The following UGGT2 variants were observed in gnomAD, a reference collection of about 807,000 sequenced individuals.
The protein encoded by UGGT2 is UDP-glucose:glycoprotein glucosyltransferase 2.
In UGGT2, 180 loss-of-function variants were observed where a neutral mutation model predicts 192.1. The observed-to-expected ratio is 0.94, with a 90% CI of 0.83 to 1.06. UGGT2 has a LOEUF of 1.06. Ranked by LOEUF, UGGT2 falls within the 50% of genes least tolerant of loss-of-function variation. The pLI, the probability that UGGT2 is intolerant of heterozygous loss-of-function variation, is 0.00. For synonymous variants in UGGT2, 580 were observed against 591.0 expected (o/e 0.98, Z 0.27); for missense variants, 1,849 against 1,795.7 (o/e 1.03, Z -0.54).
intron 20 of UGGT2, among the ~76,000 whole-genome samples, chr13:95,909,747 T>TATTATA (rs755079988): frequency 1.3e-4 from 14 of 109,392 alleles, no homozygotes; most frequent in Non-Finnish European, 1.9e-4. Context: ...AAACTTGAAG[T>TATTATA]ATAATAATAA....
At chr13:95,957,128 T>C (rs546857187) in intron 12 of UGGT2, among the ~76,000 whole-genome samples, 1 of 152,278 alleles carries the variant, frequency 6.6e-6, no homozygotes, top group East Asian at 1.9e-4. Flanking sequence ...GGCAAATTAA[T>C]AAAGACAGAA....
intron 20 of UGGT2, among the ~76,000 whole-genome samples, chr13:95,915,455 T>C (rs1234417373): frequency 6.6e-6 from 1 of 152,244 alleles, no homozygotes; most frequent in East Asian, 1.9e-4. Context: ...AAGATCTTAA[T>C]ATTGTAAACT....
chr13:96,016,296 T>G (rs531987576), intron 4 of UGGT2, among the ~76,000 whole-genome samples: 1 of 152,164 alleles, frequency 6.6e-6, no homozygotes, highest in Non-Finnish European at 1.5e-5. Context: ...CTAGAGAGAT[T>G]TGCATGACTA....
chr13:95,931,584 G>C (rs957278677), intron 17 of UGGT2, among the ~76,000 whole-genome samples: 1 of 152,060 alleles, frequency 6.6e-6, no homozygotes, highest in Admixed American at 6.5e-5. Context: ...CAGGCATGGC[G>C]GGCTGCGGGT....
chr13:95,958,022 C>T (rs1032613602), intron 12 of UGGT2, among the ~76,000 whole-genome samples: 6 of 152,200 alleles, frequency 3.9e-5, no homozygotes, highest in African/African-American at 1.4e-4. Flanking sequence ...TAACAAGTCA[C>T]TTCGTGTTCT....
intron 12 of UGGT2, among the ~76,000 whole-genome samples, 199 bp from the exon 13 acceptor site, chr13:95,949,653 C>A (rs957788060): frequency 1.3e-5 from 2 of 152,132 alleles, no homozygotes; most frequent in Admixed American, 6.5e-5. Context: ...TAGCCTTTTA[C>A]ATTAAGCCTT....
At chr13:95,917,025 T>C (rs926240401) in intron 20 of UGGT2, among the ~76,000 whole-genome samples, 4 of 152,008 alleles carry the variant, frequency 2.6e-5, no homozygotes, top group Non-Finnish European at 5.9e-5. Context: ...AAGACAACAT[T>C]TAAATTCAGG....
chr13:95,854,497 T>G (rs776954996), intron 34 of UGGT2, 22 bp from the exon 35 acceptor site: 10 of 1,576,238 alleles, frequency 6.3e-6, no homozygotes, highest in Non-Finnish European at 8.6e-6. Context: ...AAATAGACTG[T>G]CTGATAAAGA....
At chr13:95,888,406 T>C (rs1363539358) in intron 25 of UGGT2, among the ~76,000 whole-genome samples, 1 of 152,224 alleles carries the variant, frequency 6.6e-6, no homozygotes, top group Non-Finnish European at 1.5e-5. Flanking sequence ...TACTTTCTTT[T>C]CATTTCCCTG....
chr13:95,924,581 T>C (rs1216001677), intron 20 of UGGT2, among the ~76,000 whole-genome samples: 8 of 152,086 alleles, frequency 5.3e-5, no homozygotes, highest in Non-Finnish European at 1.2e-4. Context: ...CTGGTATTCA[T>C]GCCCTGTAAA....
chr13:95,942,778 G>A (rs141162736), intron 15 of UGGT2, among the ~76,000 whole-genome samples: 6 of 151,966 alleles, frequency 3.9e-5, no homozygotes, highest in African/African-American at 1.4e-4. Flanking sequence ...TATTTTAATG[G>A]GCACTGGTTT....
At chr13:95,959,712 T>G (rs2050327519) in intron 12 of UGGT2, among the ~76,000 whole-genome samples, 1 of 152,148 alleles carries the variant, frequency 6.6e-6, no homozygotes, top group African/African-American at 2.4e-5. Context: ...CGCCACTTAC[T>G]GCCATTGCCC....
chr13:96,016,286 C>G (rs1594578931), intron 4 of UGGT2, among the ~76,000 whole-genome samples: 1 of 152,290 alleles, frequency 6.6e-6, no homozygotes, highest in African/African-American at 2.4e-5. Flanking sequence ...CAACCATTTG[C>G]TAGAGAGATT....
chr13:95,958,900 C>T (rs1298115136), intron 12 of UGGT2, among the ~76,000 whole-genome samples: 1 of 152,202 alleles, frequency 6.6e-6, no homozygotes, highest in East Asian at 1.9e-4. Context: ...CTCCTACCAA[C>T]CTAACCATGG....
chr13:95,877,601 A>G (rs1891829098), intron 28 of UGGT2, 97 bp downstream of exon 28: 3 of 1,381,766 alleles, frequency 2.2e-6, no homozygotes, highest in African/African-American at 1.5e-5. Context: ...CAAACTGTTC[A>G]GCAACAGCAG....
intron 29 of UGGT2, among the ~76,000 whole-genome samples, chr13:95,875,409 T>C (rs1234505967): frequency 6.6e-6 from 1 of 152,208 alleles, no homozygotes; most frequent in Non-Finnish European, 1.5e-5. Flanking sequence ...TTTTCAGTCA[T>C]TTACATAAAC....
At chr13:96,034,149 T>C (rs925086856) in intron 1 of UGGT2, among the ~76,000 whole-genome samples, 1 of 152,096 alleles carries the variant, frequency 6.6e-6, no homozygotes, top group African/African-American at 2.4e-5. Flanking sequence ...GACCTGCCTG[T>C]GGATAGGAGC....
chr13:95,930,541 C>G (rs1245471872), intron 17 of UGGT2, among the ~76,000 whole-genome samples: 1 of 152,108 alleles, frequency 6.6e-6, no homozygotes, highest in Admixed American at 6.5e-5. Flanking sequence ...TAATTTTCAT[C>G]AACTTTTCAA....
chr13:95,893,429 G>T (rs2047858338), intron 24 of UGGT2, among the ~76,000 whole-genome samples: 3 of 152,094 alleles, frequency 2.0e-5, no homozygotes, highest in Non-Finnish European at 4.4e-5. Context: ...ATATGCTCAT[G>T]AAATATACAG....
Sources: allele counts gnomAD v4.1 joint callset (sites outside exome capture counted in the v4.1 genomes callset), GRCh38; gene constraint gnomAD v4.1.1; transcripts MANE v1.5; gene names NCBI Gene and HGNC (gene_info 2026-07-23, HGNC 2026-07-21).